ZAN: variants seen among roughly 807,000 people sequenced by gnomAD.
ZAN encodes zonadhesin, also known as zonadhesin (gene/pseudogene).
In ZAN, 260 loss-of-function variants were observed where a neutral mutation model predicts 286.2. The ratio of observed to expected loss-of-function variants is 0.91; its 90% CI spans 0.82 to 1.01. The LOEUF is 1.01. Among genes scored for constraint, ZAN ranks in the 50% least tolerant of loss-of-function variants. The pLI is 0.00. For synonymous variants in ZAN, 1,368 were observed against 1,417.5 expected (o/e 0.97, Z 0.79); for missense variants, 3,410 against 3,639.2 (o/e 0.94, Z 1.62).
At chr7:100,791,154 CAAT>C (rs777970343) in intron 40 of ZAN, 41 bp downstream of exon 40, 11 of 1,588,846 alleles carry the variant, frequency 6.9e-6, no homozygotes, top group South Asian at 6.8e-5. Context: ...AGGTGAACAA[CAAT>C]GTCTGTGCAC....
intron 37 of ZAN, among the ~76,000 whole-genome samples, chr7:100,786,779 A>AT (rs1019636229): frequency 6.7e-6 from 1 of 149,024 alleles, no homozygotes; most frequent in Admixed American, 6.7e-5. Context: ...GAGGCTGGGC[A>AT]TGGTGGTTCA....
In ZAN at chr7:100,737,800, C is replaced by T. The variant is rs528416159; in HGVS notation, c.613+451C>T. On this transcript the variant is annotated intron_variant, in intron 6 of 47. Coordinates refer to ENST00000613979, the MANE Select transcript of ZAN (RefSeq NM_003386.3). ...TTAGGGCTTTGACTCTGGAAGCAGCCGTGCCTAAAGAGAGGTCTCGGCCCA... is the reference window on the plus strand; with the variant it reads ...TTAGGGCTTTGACTCTGGAAGCAGCTGTGCCTAAAGAGAGGTCTCGGCCCA... 1.7e-4 allele frequency among the ~76,000 whole-genome samples: 24 copies of T among 139,306 alleles called. 4 individuals carry two copies. Among genetic ancestry groups the T allele is most frequent in the African/African-American group, 6.3e-4 (24 of 38,244 alleles). The allele number at this position is 139,306 out of a possible 152,430, so 91.4% of individuals were successfully genotyped here.
chr7:100,749,987 G>C (rs1179041890), intron 11 of ZAN, among the ~76,000 whole-genome samples: 1 of 146,048 alleles, frequency 6.8e-6, no homozygotes, highest in African/African-American at 2.5e-5. Flanking sequence ...GGAGGTGGAG[G>C]TTGTAGTGAG....
intron 45 of ZAN, 133 bp from the exon 46 acceptor site, chr7:100,797,233 A>C: frequency 1.3e-6 from 1 of 794,586 alleles, no homozygotes; most frequent in South Asian, 1.7e-5. Context: ...CTGGAGGAAG[A>C]AGCAGACACA....
At chr7:100,734,618 C>CA (rs773063072) in intron 2 of ZAN, among the ~76,000 whole-genome samples, 7,601 of 71,764 alleles carry the variant, frequency 0.11, 1,017 homozygotes, top group Non-Finnish European at 0.12. Flanking sequence ...GACTCCGTCT[C>CA]AAAAAAAAAA....
intron 42 of ZAN, among the ~76,000 whole-genome samples, chr7:100,792,999 AAAG>A (rs1158131459): frequency 7.0e-6 from 1 of 142,484 alleles, no homozygotes; most frequent in Non-Finnish European, 1.6e-5. Context: ...AAAAAAAAAG[AAAG>A]AAAGAAAGAA....
chr7:100,748,471 G>A lies in ZAN; in HGVS notation c.1249+1G>A, dbSNP rs117406702. 0.031 allele frequency: 49,465 copies of A among 1,609,932 alleles called. 922 individuals carry two copies. The highest frequency in any genetic ancestry group is 0.059 in the Middle Eastern group (349 of 5,964). ...CCTGCGGGAGGTTTCCCTAATGCAG[G>A]TGAGGAGATTGAGGAGCGCTCACGC... On this transcript the variant is annotated splice_donor_variant, in intron 11 of 47. Transcript: ENST00000613979. LOFTEE classifies it high-confidence loss of function.
chr7:100,772,394 C>T (rs542521849), intron 29 of ZAN, among the ~76,000 whole-genome samples: 8 of 151,766 alleles, frequency 5.3e-5, no homozygotes, highest in African/African-American at 1.9e-4. Context: ...CACACCACTG[C>T]ACTCCAGCCT....
At chr7:100,744,915 G>C (rs1228527831) in intron 7 of ZAN, among the ~76,000 whole-genome samples, 1 of 148,620 alleles carries the variant, frequency 6.7e-6, no homozygotes, top group Non-Finnish European at 1.5e-5. Flanking sequence ...AGACAGTCTC[G>C]CTCTGTCGCC....
At position 100,738,572 on chromosome 7, in the gene ZAN, A is replaced by C; in HGVS notation, c.725A>C (p.Lys242Thr). The part of the protein sequence containing the change: ...KWTQKKGSSG[K>T]PGVGPDGDFS... ...ACTCAGAAGAAAGGGTCATCAGGAA[A>C]GCCAGGCGTGGGGCCTGATGGCGAC... is the stretch of plus-strand genomic sequence containing the variant. Residue 242 changes from lysine (K) to threonine (T), a missense_variant, in exon 7 of 48, where the codon AAG becomes ACG. Coordinates refer to ENST00000613979, the MANE Select transcript of ZAN (RefSeq NM_003386.3). 6.6e-7 allele frequency: 1 copy of C among 1,517,654 alleles called. No homozygotes were observed. The highest frequency in any genetic ancestry group is 9.0e-7 in the Non-Finnish European group (1 of 1,104,990). The allele number at this position is 1,517,654 out of a possible 1,614,324, so 94.0% of individuals were successfully genotyped here.
rs905726442 is a variant in ZAN at position 100,738,247 on chromosome 7, C to T, written c.614-214C>T. Among the ~76,000 whole-genome samples, 6 of 139,816 alleles carry T rather than the reference C, an allele frequency of 4.3e-5. 1 individual carries two copies. Among genetic ancestry groups the T allele is most frequent in the Admixed American group, 1.4e-4 (2 of 14,000 alleles). The allele number at this position is 139,816 out of a possible 152,430, so 91.7% of individuals were successfully genotyped here. The stretch of plus-strand genomic sequence containing the variant: ...GCTGGGATTACAGGAGTTAAGTCAC[C>T]GTGCCAAGAACTTTTTAAAAATTAG... On this transcript the variant is annotated intron_variant, in intron 6 of 47. Coordinates refer to ENST00000613979, the MANE Select transcript of ZAN (RefSeq NM_003386.3).
At chr7:100,751,672 G>C (rs1448048044) in intron 13 of ZAN, 40 bp from the exon 14 acceptor site, 1 of 1,541,514 alleles carries the variant, frequency 6.5e-7, no homozygotes, top group Non-Finnish European at 8.7e-7. Flanking sequence ...TGGTGGTATG[G>C]TTTTGACTAA....
rs200734279 is a variant in ZAN at position 100,767,132 on chromosome 7, A to C, written c.4735A>C (p.Ser1579Arg). 6.3e-5 allele frequency: 101 copies of C among 1,613,826 alleles called. No individual in the cohort carries two copies. Among genetic ancestry groups the C allele is most frequent in the Non-Finnish European group, 7.6e-5 (90 of 1,179,848 alleles). The stretch of plus-strand genomic sequence containing the variant: ...GCCTTGCTGGTCCAGGTCCCAAGAC[A>C]GCTATTTTGTTGTGAGCGCCACCAA... ...TRPCWSRSQDSYFVVSATNEN... is the reference protein window; with the variant it reads ...TRPCWSRSQDRYFVVSATNEN... The change falls in exon 25 of 48, where the codon AGC becomes CGC. Residue 1579 changes from serine (S) to arginine (R), a missense_variant. Around this residue, in one of 7 missense-constraint regions of ZAN, gnomAD observed 1,042 missense variants for 1,058.0 expected, o/e 0.98. Coordinates refer to ENST00000613979, the MANE Select transcript of ZAN (RefSeq NM_003386.3).
chr7:100,763,910 C>A lies in ZAN; in HGVS notation c.4091C>A (p.Pro1364Gln). 1.2e-6 allele frequency: 2 copies of A among 1,613,988 alleles called. No individual in the cohort carries two copies. Among genetic ancestry groups the A allele is most frequent in the Non-Finnish European group, 1.7e-6 (2 of 1,179,884 alleles). ...GGACGGCTGGTCGACACTCATGGCC[C>A]ATTTGAGTATGAAGGAGGGCAGGCA... The part of the protein sequence containing the change: ...FCGRLVDTHG[P>Q]FETCLLHVKA... The change falls in exon 21 of 48, where the codon CCA (proline) becomes CAA (glutamine). Residue 1364 changes from proline (P) to glutamine (Q), a missense_variant. Pro to Gln is a moderately conservative substitution (Grantham distance 76). Coordinates refer to ENST00000613979, the MANE Select transcript of ZAN (RefSeq NM_003386.3). This position sits in a 1 kb window ranked among gnomAD's most constrained non-coding sequence, Gnocchi z 4.6.
rs374695881 is a variant in ZAN at position 100,750,770 on chromosome 7, C to T, written c.1395C>T (p.Leu465=). ...ATGGCCTTGGGGAGGGTACTATGCT[C>T]GAACTCCTCCTGGGAAGTCCTGCGG... ...HMYGLGEGTM[L]ELLLGSPAGS... The change falls in exon 12 of 48, where the codon CTC becomes CTT. Residue 465 remains leucine (L), a synonymous_variant. Coordinates refer to ENST00000613979, the MANE Select transcript of ZAN (RefSeq NM_003386.3). 6 of 1,612,812 alleles carry T rather than the reference C, an allele frequency of 3.7e-6. No individual in the cohort carries two copies. Among genetic ancestry groups the T allele is most frequent in the Middle Eastern group, 1.6e-4 (1 of 6,082 alleles).
At chr7:100,773,695 G>C in intron 30 of ZAN, 26 bp from the exon 31 acceptor site, 1 of 1,599,358 alleles carries the variant, frequency 6.3e-7, no homozygotes, top group Non-Finnish European at 8.5e-7. Flanking sequence ...CTTTCTGTTG[G>C]CTCAGCTGAT....
chr7:100,782,682 TGTGTG>T (rs138124979), intron 35 of ZAN, among the ~76,000 whole-genome samples: 43,887 of 139,886 alleles, frequency 0.31, 6,988 homozygotes, highest in Non-Finnish European at 0.38. Context: ...GGGTTTTTTT[TGTGTG>T]TGTGTGTGTG....
rs1363954001 is a variant in ZAN, at chr7:100,749,653, T to TAC, written c.1250-971_1250-970insCA. Among the ~76,000 whole-genome samples the TAC allele has an allele frequency of 4.1e-5, 3 of 72,320 alleles. No individual in the cohort carries two copies. The East Asian group carries it at 1.1e-3, about 25-fold the overall frequency. The allele number at this position is 72,320 out of a possible 152,430, so 47.4% of individuals were successfully genotyped here. On this transcript the variant is annotated intron_variant, in intron 11 of 47. Coordinates refer to ENST00000613979, the MANE Select transcript of ZAN (RefSeq NM_003386.3). ...AGACTCCGTCTCAAAAAAAAAAAAATATATATATATATATATATATATACA... is the reference window on the plus strand; with the variant it reads ...AGACTCCGTCTCAAAAAAAAAAAAATACATATATATATATATATATATATACA...
At chr7:100,769,242 C>T (rs1810213816) in intron 27 of ZAN, among the ~76,000 whole-genome samples, 1 of 151,894 alleles carries the variant, frequency 6.6e-6, no homozygotes, top group African/African-American at 2.4e-5. Flanking sequence ...TACAGGCACT[C>T]GCCACCACGC....
Sources: gnomAD v4.1 joint callset for allele counts (sites outside exome capture counted in the v4.1 genomes callset) on GRCh38, gnomAD v4.1.1 for gene constraint, gnomAD v4.1.1 regional missense constraint, Gnocchi (gnomAD v3.1) non-coding constraint, MANE v1.5 for transcripts, NCBI Gene and HGNC (gene_info 2026-07-23, HGNC 2026-07-21) for gene names.